DLG2: variants seen among roughly 807,000 people sequenced by gnomAD.
DLG2 encodes the protein disks large homolog 2.
Under a neutral mutation model 132.5 loss-of-function variants are expected in DLG2, and 45 were observed. The ratio of observed to expected loss-of-function variants is 0.34; its 90% CI spans 0.27 to 0.44. The LOEUF (loss-of-function observed/expected upper bound fraction) is 0.44. DLG2 is among the 20% of genes least tolerant of loss of function. DLG2 has a pLI of 1.00. For synonymous variants in DLG2, 424 were observed against 419.6 expected (o/e 1.01, Z -0.13); for missense variants, 1,045 against 1,196.9 (o/e 0.87, Z 1.87).
chr11:83,658,449 T>A (rs936579496), intron 18 of DLG2, among the ~76,000 whole-genome samples: 2 of 152,258 alleles, frequency 1.3e-5, no homozygotes, highest in African/African-American at 4.8e-5. Context: ...AAGTCTGTTC[T>A]CTGCTTCACA....
At chr11:83,526,254 T>C (rs1259420346) in intron 21 of DLG2, among the ~76,000 whole-genome samples, 1 of 152,114 alleles carries the variant, frequency 6.6e-6, no homozygotes, top group African/African-American at 2.4e-5. Flanking sequence ...TTAGAAATGG[T>C]TTCCTATTTT....
intron 7 of DLG2, among the ~76,000 whole-genome samples, chr11:84,453,481 C>T (rs948646153): frequency 5.9e-5 from 9 of 151,430 alleles, no homozygotes; most frequent in African/African-American, 2.2e-4. Flanking sequence ...ATGATAGGAT[C>T]AATAATTATA....
At chr11:84,673,076 A>T (rs1192351523) in intron 6 of DLG2, among the ~76,000 whole-genome samples, 2 of 152,060 alleles carry the variant, frequency 1.3e-5, no homozygotes, top group African/African-American at 4.8e-5. Context: ...GACCCCCATG[A>T]CCCACTCACC....
intron 6 of DLG2, among the ~76,000 whole-genome samples, chr11:84,835,224 G>A (rs1489630931): frequency 6.6e-6 from 1 of 151,544 alleles, no homozygotes; most frequent in Non-Finnish European, 1.5e-5. Flanking sequence ...CTTTTGTTTT[G>A]AAAATTTTTT....
chr11:84,929,096 T>G (rs2047798685), intron 6 of DLG2, among the ~76,000 whole-genome samples: 1 of 147,724 alleles, frequency 6.8e-6, no homozygotes, highest in African/African-American at 2.5e-5. Context: ...CATTTGATTT[T>G]TGATCCTTAC....
chr11:84,733,300 C>T (rs1184952074), intron 6 of DLG2, among the ~76,000 whole-genome samples: 5 of 152,160 alleles, frequency 3.3e-5, no homozygotes, highest in Non-Finnish European at 1.5e-5. Flanking sequence ...TCTCCAGCAC[C>T]TGTTGTTTCC....
chr11:84,885,246 GT>G (rs1441460606), intron 6 of DLG2, among the ~76,000 whole-genome samples: 2 of 150,784 alleles, frequency 1.3e-5, no homozygotes, highest in East Asian at 1.9e-4. Context: ...TTTCAAAAAT[GT>G]TTTGGTAACA....
At chr11:83,562,777 A>T (rs987400815) in intron 19 of DLG2, among the ~76,000 whole-genome samples, 2 of 151,634 alleles carry the variant, frequency 1.3e-5, no homozygotes, top group Admixed American at 6.6e-5. Context: ...TTGTTCTTTC[A>T]TGTTACTTTT....
At chr11:85,063,132 C>T (rs117341734) in intron 6 of DLG2, among the ~76,000 whole-genome samples, 2,954 of 151,932 alleles carry the variant, frequency 0.019, 50 homozygotes, top group Admixed American at 0.041. Context: ...ATTCTCGCAG[C>T]TGTTAGGAGT....
At chr11:85,553,296 G>A (rs974578526) in intron 3 of DLG2, among the ~76,000 whole-genome samples, 3 of 151,422 alleles carry the variant, frequency 2.0e-5, no homozygotes, top group Non-Finnish European at 1.5e-5. Context: ...CTTTTTATAT[G>A]CCAAACACTG....
intron 15 of DLG2, among the ~76,000 whole-genome samples, chr11:83,905,734 C>T (rs919172542): frequency 6.6e-6 from 1 of 152,036 alleles, no homozygotes; most frequent in African/African-American, 2.4e-5. Context: ...CCTAAATGCC[C>T]CAATGAACTT....
At chr11:84,390,668 G>A (rs1415795812) in intron 7 of DLG2, among the ~76,000 whole-genome samples, 2 of 152,180 alleles carry the variant, frequency 1.3e-5, no homozygotes, top group African/African-American at 4.8e-5. Context: ...TGATCACCTG[G>A]TCTTAGAGGC....
intron 15 of DLG2, among the ~76,000 whole-genome samples, chr11:83,921,450 T>A (rs1190665461): frequency 6.6e-6 from 1 of 152,152 alleles, no homozygotes; most frequent in Non-Finnish European, 1.5e-5. Flanking sequence ...TCCATAAAAT[T>A]GGGATGATCA....
intron 17 of DLG2, among the ~76,000 whole-genome samples, chr11:83,816,869 T>C (rs777258011): frequency 1.3e-5 from 2 of 152,206 alleles, no homozygotes; most frequent in African/African-American, 4.8e-5. Context: ...CTTATAAATA[T>C]TCTTCAAGTT....
At chr11:84,589,883 C>T (rs774199242) in intron 6 of DLG2, among the ~76,000 whole-genome samples, 1 of 152,190 alleles carries the variant, frequency 6.6e-6, no homozygotes, top group Non-Finnish European at 1.5e-5. Context: ...TCATTTCTTA[C>T]AATACATTTC....
At chr11:85,554,688 T>C (rs2076838575) in intron 3 of DLG2, among the ~76,000 whole-genome samples, 1 of 151,836 alleles carries the variant, frequency 6.6e-6, no homozygotes, top group Non-Finnish European at 1.5e-5. Flanking sequence ...GGAGCTGAAT[T>C]CTGCTAAGAT....
chr11:84,189,299 T>C (rs2096353693), intron 8 of DLG2, among the ~76,000 whole-genome samples: 1 of 152,204 alleles, frequency 6.6e-6, no homozygotes, highest in Admixed American at 6.5e-5. Flanking sequence ...CCTGTCAGAA[T>C]GACTATTATT....
intron 3 of DLG2, among the ~76,000 whole-genome samples, chr11:85,486,608 C>A (rs2093435023): frequency 6.6e-6 from 1 of 152,066 alleles, no homozygotes; most frequent in Non-Finnish European, 1.5e-5. Context: ...CTGATACCAC[C>A]ACAGCTGACA....
At chr11:84,503,335 G>T (rs749466648) in intron 7 of DLG2, among the ~76,000 whole-genome samples, 8 of 152,166 alleles carry the variant, frequency 5.3e-5, no homozygotes, top group Non-Finnish European at 8.8e-5. Context: ...TGGCAGAGTA[G>T]ACACATAATA....
Sources: allele counts gnomAD v4.1 joint callset (sites outside exome capture counted in the v4.1 genomes callset), GRCh38; gene constraint gnomAD v4.1.1; transcripts MANE v1.5; gene names NCBI Gene and HGNC (gene_info 2026-07-23, HGNC 2026-07-21).